USP13: variants seen among roughly 807,000 people sequenced by gnomAD.
USP13 encodes ubiquitin specific peptidase 13.
USP13 carries 68 observed loss-of-function variants against 107.8 expected under a neutral mutation model. The observed-to-expected ratio is 0.63, with a 90% CI of 0.52 to 0.77. The LOEUF (loss-of-function observed/expected upper bound fraction) is 0.77, where lower values mean the gene tolerates loss of function less well. Ranked by LOEUF, USP13 falls within the 30% of genes least tolerant of loss-of-function variation. The pLI is 0.00. For missense variants in USP13, 945 were observed against 1,093.3 expected (o/e 0.86, Z 1.91); for synonymous variants, 377 against 389.5 (o/e 0.97, Z 0.38).
intron 6 of USP13, among the ~76,000 whole-genome samples, chr3:179,713,071 C>T (rs1438539466): frequency 6.6e-6 from 1 of 152,108 alleles, no homozygotes; most frequent in East Asian, 1.9e-4. Flanking sequence ...CATTGTCTTC[C>T]ATAGTTGTTA....
At chr3:179,667,660 T>C (rs1483262575) in intron 1 of USP13, among the ~76,000 whole-genome samples, 2 of 152,116 alleles carry the variant, frequency 1.3e-5, no homozygotes, top group Non-Finnish European at 2.9e-5. Flanking sequence ...TGATTCTTTT[T>C]TTTGAGACAG....
At chr3:179,689,645 G>A (rs1366929303) in intron 2 of USP13, among the ~76,000 whole-genome samples, 1 of 150,692 alleles carries the variant, frequency 6.6e-6, no homozygotes, top group Non-Finnish European at 1.5e-5. Context: ...GCGACTGTGT[G>A]AGACTCCATC....
At chr3:179,687,392 G>T (rs1368300016) in intron 2 of USP13, among the ~76,000 whole-genome samples, 1 of 151,778 alleles carries the variant, frequency 6.6e-6, no homozygotes, top group Non-Finnish European at 1.5e-5. Context: ...AGGTGCGGTG[G>T]CTCACACCTA....
intron 19 of USP13, among the ~76,000 whole-genome samples, chr3:179,766,213 C>T (rs1488070375): frequency 1.3e-5 from 2 of 151,964 alleles, no homozygotes; most frequent in South Asian, 2.1e-4. Context: ...CTCCTGACCT[C>T]GTGATATGCC....
intron 13 of USP13, among the ~76,000 whole-genome samples, chr3:179,751,618 T>C (rs1714614100): frequency 6.6e-6 from 1 of 152,212 alleles, no homozygotes; most frequent in Admixed American, 6.5e-5. Flanking sequence ...CTATGTATAC[T>C]AAACTCTAGC....
chr3:179,745,832 G>A (rs978092136), intron 13 of USP13, among the ~76,000 whole-genome samples: 4 of 152,136 alleles, frequency 2.6e-5, no homozygotes, highest in African/African-American at 9.7e-5. Context: ...TTGTTGAAAC[G>A]AGCCGCTCAG....
At chr3:179,776,375 T>G (rs1358130130) in intron 19 of USP13, among the ~76,000 whole-genome samples, 1 of 152,204 alleles carries the variant, frequency 6.6e-6, no homozygotes, top group Non-Finnish European at 1.5e-5. Context: ...TGAAAGGGTA[T>G]GCTGCCCACC....
At chr3:179,713,356 C>A (rs556670475) in intron 6 of USP13, among the ~76,000 whole-genome samples, 4 of 152,328 alleles carry the variant, frequency 2.6e-5, no homozygotes, top group African/African-American at 9.6e-5. Flanking sequence ...TTATGGGATG[C>A]ATACATTCTA....
chr3:179,752,265 T>C lies in USP13; in HGVS notation c.1710-20T>C, dbSNP rs766168510. On this transcript the variant is annotated intron_variant, in intron 13 of 20. Coordinates refer to ENST00000263966, the MANE Select transcript of USP13 (RefSeq NM_003940.3). ...TTCTTATTGCCTTGTTTCATTGATA[T>C]ATCCCCTTGTGTTTCCCAGAACATC... 9.4e-6 allele frequency: 15 copies of C among 1,603,470 alleles called. No homozygotes were observed. The highest frequency in any genetic ancestry group is 1.3e-5 in the Non-Finnish European group (15 of 1,171,250).
Position 179,721,426 on chromosome 3 carries a change from G to A in USP13, c.925G>A (p.Asp309Asn), listed in dbSNP as rs758086478. The A allele has an allele frequency of 6.2e-7, 1 of 1,614,080 alleles. No individual in the cohort carries two copies. Among genetic ancestry groups the A allele is most frequent in the Admixed American group, 1.7e-5 (1 of 60,004 alleles). Residue 309 changes from aspartate (D) to asparagine (N), a missense_variant, in exon 8 of 21, where the codon GAC (aspartate) becomes AAC (asparagine). Transcript: ENST00000263966. This position sits in a 1 kb window ranked among gnomAD's most constrained non-coding sequence, Gnocchi z 4.3. The stretch of plus-strand genomic sequence containing the variant: ...GACAGAGAATGGGCTCCAGGACAAT[G>A]ACATCAAGCTGAGGGTCAGTGAGTG... ...HGTENGLQDN[D>N]IKLRVSEWEV...
At chr3:179,770,574 T>C (rs1292718553) in intron 19 of USP13, among the ~76,000 whole-genome samples, 2 of 152,080 alleles carry the variant, frequency 1.3e-5, no homozygotes, top group Non-Finnish European at 1.5e-5. Flanking sequence ...TTACTTTTTC[T>C]GGTTGGTGAA....
At chr3:179,735,136 GT>G (rs543170841) in intron 10 of USP13, among the ~76,000 whole-genome samples, 43 of 152,306 alleles carry the variant, frequency 2.8e-4, no homozygotes, top group Non-Finnish European at 5.1e-4. Flanking sequence ...GACTTCCTGG[GT>G]CTCTGTGTTA....
chr3:179,735,042 G>A (rs1475100718), intron 10 of USP13, among the ~76,000 whole-genome samples: 2 of 152,222 alleles, frequency 1.3e-5, no homozygotes, highest in Non-Finnish European at 2.9e-5. Context: ...AATTTTAGCT[G>A]ATCTGTTTTG....
chr3:179,745,492 GCCTTCCTT>G (rs35031347), intron 13 of USP13, among the ~76,000 whole-genome samples: 2 of 150,054 alleles, frequency 1.3e-5, no homozygotes, highest in South Asian at 2.1e-4. Context: ...TCTATTAGGA[GCCTTCCTT>G]CCTTCCTTCC....
intron 11 of USP13, among the ~76,000 whole-genome samples, chr3:179,741,216 T>C (rs1714187003): frequency 6.6e-6 from 1 of 151,362 alleles, no homozygotes; most frequent in South Asian, 2.1e-4. Flanking sequence ...TGTTTGTTTG[T>C]TTTTGTTTGT....
At chr3:179,769,648 G>A (rs181318304) in intron 19 of USP13, among the ~76,000 whole-genome samples, 11 of 152,264 alleles carry the variant, frequency 7.2e-5, no homozygotes, top group Non-Finnish European at 1.6e-4. Context: ...AGCTCAGGCA[G>A]TCTGCCCACC....
chr3:179,696,106 G>C (rs1712314606), intron 3 of USP13, among the ~76,000 whole-genome samples: 1 of 152,170 alleles, frequency 6.6e-6, no homozygotes, highest in Non-Finnish European at 1.5e-5. Context: ...GAAAATCAAT[G>C]TGAAATAGGA....
At chr3:179,660,811 T>G (rs1201611191) in intron 1 of USP13, among the ~76,000 whole-genome samples, 1 of 152,218 alleles carries the variant, frequency 6.6e-6, no homozygotes, top group East Asian at 1.9e-4. Flanking sequence ...TTTTTTCCAC[T>G]TTGAAGATAT....
At chr3:179,750,304 GTATA>G (rs61032635) in intron 13 of USP13, among the ~76,000 whole-genome samples, 6 of 113,514 alleles carry the variant, frequency 5.3e-5, no homozygotes, top group African/African-American at 8.7e-5. Context: ...ATATGTGTGT[GTATA>G]TATATATATA....
Sources: gnomAD v4.1 joint callset for allele counts (sites outside exome capture counted in the v4.1 genomes callset) on GRCh38, gnomAD v4.1.1 for gene constraint, Gnocchi (gnomAD v3.1) non-coding constraint, MANE v1.5 for transcripts, NCBI Gene and HGNC (gene_info 2026-07-23, HGNC 2026-07-21) for gene names.